The following SMIM13 variants were observed in gnomAD, a reference collection of about 807,000 sequenced individuals.
SMIM13 encodes small integral membrane protein 13, also known as UPF0766 protein C6orf228.
In SMIM13, 3 loss-of-function variants were observed where a neutral mutation model predicts 5.9. The observed-to-expected ratio is 0.51, with a 90% CI of 0.23 to 1.31. The LOEUF is 1.31. Ranked by LOEUF, SMIM13 falls within the 40% of genes most tolerant of loss-of-function variation. The probability of loss-of-function intolerance (pLI) is 0.18; values close to 1 mark genes in which losing one functional copy is unlikely to be tolerated. For missense variants in SMIM13, 85 were observed against 109.9 expected (o/e 0.77, Z 1.01); for synonymous variants, 55 against 46.0 (o/e 1.19, Z -0.79).
intron 1 of SMIM13, chr6:11,102,779 C>T (rs1388774629): frequency 6.6e-6 from 1 of 152,224 alleles, no homozygotes; most frequent in East Asian, 1.9e-4. Context: ...TCCAATGGGT[C>T]TGCAGCAGAC....
At chr6:11,119,317 A>C (rs1034993304) in intron 1 of SMIM13, among the ~76,000 whole-genome samples, 10 of 152,126 alleles carry the variant, frequency 6.6e-5, no homozygotes, top group African/African-American at 2.4e-4. Context: ...GCCAGGTAGA[A>C]ATTCCCTCTT....
At chr6:11,095,221 C>G (rs566626067) in intron 1 of SMIM13, among the ~76,000 whole-genome samples, 1 of 152,322 alleles carries the variant, frequency 6.6e-6, no homozygotes, top group Non-Finnish European at 1.5e-5. Context: ...GGTCAGAATT[C>G]ATACAGATAC....
intron 1 of SMIM13, among the ~76,000 whole-genome samples, chr6:11,118,387 G>A (rs746332402): frequency 1.3e-5 from 2 of 152,162 alleles, no homozygotes; most frequent in Admixed American, 1.3e-4. Flanking sequence ...TGAATCAATT[G>A]GTCAAATTAA....
chr6:11,106,329 C>T (rs964446637), intron 1 of SMIM13, among the ~76,000 whole-genome samples: 5 of 152,200 alleles, frequency 3.3e-5, no homozygotes, highest in East Asian at 1.9e-4. Context: ...GCCAGTCCTC[C>T]GCAGGGTATG....
At chr6:11,104,152 CCTTT>C in intron 1 of SMIM13, 1 of 1,544,488 alleles carries the variant, frequency 6.5e-7, no homozygotes, top group Non-Finnish European at 8.7e-7. Context: ...TTGGCTATTT[CCTTT>C]GAGAGCTGGC....
intron 1 of SMIM13, among the ~76,000 whole-genome samples, chr6:11,101,533 C>G (rs1480043061): frequency 6.6e-6 from 1 of 152,126 alleles, no homozygotes; most frequent in Non-Finnish European, 1.5e-5. Context: ...CCAAATCCAT[C>G]TTGGAGGGGT....
chr6:11,105,179 C>G, intron 1 of SMIM13: 1 of 1,614,158 alleles, frequency 6.2e-7, no homozygotes, highest in Non-Finnish European at 8.5e-7. Flanking sequence ...TAGTACATAA[C>G]CAGCAATTGG....
intron 1 of SMIM13, among the ~76,000 whole-genome samples, chr6:11,123,257 CAG>C (rs1353636880): frequency 6.6e-6 from 1 of 152,162 alleles, no homozygotes; most frequent in Non-Finnish European, 1.5e-5. Flanking sequence ...CAGAGAGAAA[CAG>C]ATAATGCTGA....
intron 1 of SMIM13, among the ~76,000 whole-genome samples, chr6:11,132,951 C>G (rs999537138): frequency 6.6e-6 from 1 of 152,154 alleles, no homozygotes; most frequent in African/African-American, 2.4e-5. Flanking sequence ...TTTAAAAACT[C>G]AACAGAAGAT....
chr6:11,097,756 T>G (rs754810249), intron 1 of SMIM13, among the ~76,000 whole-genome samples: 4 of 152,076 alleles, frequency 2.6e-5, no homozygotes, highest in Non-Finnish European at 5.9e-5. Flanking sequence ...TGGCACACGA[T>G]TCACTCTATA....
chr6:11,096,284 CTA>C (rs1757921540), intron 1 of SMIM13, among the ~76,000 whole-genome samples: 1 of 152,134 alleles, frequency 6.6e-6, no homozygotes, highest in South Asian at 2.1e-4. Flanking sequence ...TAGATCCCTC[CTA>C]TGTGCATTTC....
At chr6:11,095,252 C>T (rs1757907595) in intron 1 of SMIM13, among the ~76,000 whole-genome samples, 1 of 152,188 alleles carries the variant, frequency 6.6e-6, no homozygotes, top group Admixed American at 6.5e-5. Flanking sequence ...GTTCATTACA[C>T]GATAAATGTA....
At chr6:11,120,305 G>T (rs188281498) in intron 1 of SMIM13, among the ~76,000 whole-genome samples, 232 of 152,286 alleles carry the variant, frequency 1.5e-3, no homozygotes, top group African/African-American at 5.1e-3. Flanking sequence ...ATAAACAACG[G>T]AAGTTTATTT....
intron 1 of SMIM13, among the ~76,000 whole-genome samples, chr6:11,098,339 C>G (rs1414886015): frequency 6.6e-6 from 1 of 152,226 alleles, no homozygotes; most frequent in African/African-American, 2.4e-5. Context: ...TATTACCCAG[C>G]CTGTGGTGGT....
At chr6:11,099,846 A>G (rs1757969343) in intron 1 of SMIM13, among the ~76,000 whole-genome samples, 2 of 152,054 alleles carry the variant, frequency 1.3e-5, no homozygotes, top group African/African-American at 4.8e-5. Flanking sequence ...TGCTCCATCC[A>G]TTTCTTTCTC....
intron 1 of SMIM13, among the ~76,000 whole-genome samples, chr6:11,095,374 C>T (rs1009212619): frequency 6.6e-6 from 1 of 152,188 alleles, no homozygotes; most frequent in Non-Finnish European, 1.5e-5. Context: ...GAGTCTCGCT[C>T]TTGTTGCCCA....
intron 1 of SMIM13, among the ~76,000 whole-genome samples, chr6:11,108,280 T>G (rs1157905269): frequency 6.6e-6 from 1 of 152,186 alleles, no homozygotes; most frequent in African/African-American, 2.4e-5. Context: ...GCAGCCCTCA[T>G]GTCCAAAAGA....
At chr6:11,129,534 T>C (rs1015243596) in intron 1 of SMIM13, among the ~76,000 whole-genome samples, 1 of 152,222 alleles carries the variant, frequency 6.6e-6, no homozygotes, top group Non-Finnish European at 1.5e-5. Flanking sequence ...TCCTTTCTTT[T>C]GGATGTATAA....
intron 1 of SMIM13, among the ~76,000 whole-genome samples, chr6:11,110,840 T>C (rs1395076481): frequency 1.3e-5 from 2 of 152,166 alleles, no homozygotes; most frequent in African/African-American, 4.8e-5. Context: ...CAGAGAATTT[T>C]CCTTCCCCAC....
Sources: allele counts gnomAD v4.1 joint callset (sites outside exome capture counted in the v4.1 genomes callset), GRCh38; gene constraint gnomAD v4.1.1; transcripts MANE v1.5; gene names NCBI Gene and HGNC (gene_info 2026-07-23, HGNC 2026-07-21).